ADAMTSL3: variants seen among roughly 807,000 people sequenced by gnomAD.
The protein encoded by ADAMTSL3 is ADAMTS like 3.
A neutral mutation model predicts 201.7 loss-of-function variants in ADAMTSL3; 128 were observed. The ratio of observed to expected loss-of-function variants is 0.63; its 90% CI spans 0.55 to 0.73. ADAMTSL3 has a LOEUF of 0.73. ADAMTSL3 is among the 30% of genes least tolerant of loss of function. The pLI is 0.00. For missense variants in ADAMTSL3, 1,990 were observed against 2,119.6 expected, an observed-to-expected ratio of 0.94 and a Z score of 1.20; for synonymous variants, 738 against 748.4, an observed-to-expected ratio of 0.99 and a Z score of 0.23.
At chr15:83,897,782 C>G in intron 13 of ADAMTSL3, 76 bp from the exon 14 acceptor site, 3 of 1,473,458 alleles carry the variant, frequency 2.0e-6, no homozygotes, top group Non-Finnish European at 2.7e-6. Context: ...CAATGGCTCT[C>G]CTTTGCATTC....
chr15:84,033,861 A>G (rs2068451603), intron 28 of ADAMTSL3, among the ~76,000 whole-genome samples: 1 of 152,226 alleles, frequency 6.6e-6, no homozygotes, highest in South Asian at 2.1e-4. Context: ...GATAAAGAGT[A>G]TAGAAGGATC....
intron 4 of ADAMTSL3, among the ~76,000 whole-genome samples, chr15:83,791,078 G>A (rs2063336914): frequency 6.6e-6 from 1 of 152,086 alleles, no homozygotes; most frequent in African/African-American, 2.4e-5. Flanking sequence ...ACCGATGAAA[G>A]AAATGGAAGA....
intron 2 of ADAMTSL3, among the ~76,000 whole-genome samples, chr15:83,678,147 A>G (rs2061431017): frequency 1.3e-5 from 2 of 152,066 alleles, no homozygotes; most frequent in African/African-American, 4.8e-5. Flanking sequence ...AGATGACATA[A>G]TTTTTGTTTC....
At chr15:83,889,144 A>G (rs1299545193) in intron 10 of ADAMTSL3, among the ~76,000 whole-genome samples, 1 of 152,206 alleles carries the variant, frequency 6.6e-6, no homozygotes, top group Non-Finnish European at 1.5e-5. Context: ...TGCAAAGTTC[A>G]CTTTCCTCAG....
rs958495527 is a variant in ADAMTSL3, at chr15:84,016,347, C to A, written c.4157-36C>A. ...AGCTGGACCAATAATTAGATAATGTCTAACTGGTAAAAGTGCTACTTTTTT... is the reference window on the plus strand; with the variant it reads ...AGCTGGACCAATAATTAGATAATGTATAACTGGTAAAAGTGCTACTTTTTT... On this transcript the variant is annotated intron_variant, in intron 24 of 29. Coordinates refer to ENST00000286744, the MANE Select transcript of ADAMTSL3 (RefSeq NM_207517.3). 5 of 1,540,784 alleles carry A rather than the reference C, an allele frequency of 3.2e-6. No homozygotes were observed. The Admixed American group carries it at 8.4e-5, about 26-fold the overall frequency.
chr15:83,789,616 A>T (rs1863450), intron 4 of ADAMTSL3, among the ~76,000 whole-genome samples: 1 of 152,142 alleles, frequency 6.6e-6, no homozygotes, highest in Non-Finnish European at 1.5e-5. Flanking sequence ...TTGATTTCCC[A>T]GTGAAGGCCC....
chr15:84,033,941 A>C (rs1012217996), intron 28 of ADAMTSL3, among the ~76,000 whole-genome samples: 3 of 152,222 alleles, frequency 2.0e-5, no homozygotes, highest in Non-Finnish European at 2.9e-5. Flanking sequence ...ATTAAAGGGT[A>C]GACTTTTTTT....
At chr15:83,669,808 T>C (rs2141384735) in intron 2 of ADAMTSL3, among the ~76,000 whole-genome samples, 1 of 152,140 alleles carries the variant, frequency 6.6e-6, no homozygotes, top group East Asian at 1.9e-4. Flanking sequence ...TCTACTGTTG[T>C]GGCAGGCTTT....
chr15:83,749,876 C>G (rs1268843391), intron 3 of ADAMTSL3, among the ~76,000 whole-genome samples: 1 of 151,652 alleles, frequency 6.6e-6, no homozygotes, highest in Non-Finnish European at 1.5e-5. Context: ...AGGTCTTCCT[C>G]TTGGACCTCA....
At chr15:83,739,753 C>T (rs972056435) in intron 3 of ADAMTSL3, 1 of 472,008 alleles carries the variant, frequency 2.1e-6, no homozygotes, top group Non-Finnish European at 4.2e-6. Context: ...TTCACCTCCT[C>T]CAGTGCCAAG....
chr15:83,729,104 C>T (rs2141598594), intron 3 of ADAMTSL3, among the ~76,000 whole-genome samples: 2 of 152,160 alleles, frequency 1.3e-5, no homozygotes, highest in South Asian at 4.1e-4. Context: ...GTAAATTTTC[C>T]ACTGAGGAGG....
At chr15:83,874,169 A>G (rs1435951392) in intron 9 of ADAMTSL3, among the ~76,000 whole-genome samples, 1 of 132,430 alleles carries the variant, frequency 7.6e-6, no homozygotes, top group African/African-American at 2.8e-5. Context: ...GCCAGGACAA[A>G]GGAAGCGGGC....
At chr15:83,804,917 A>G (rs1014810661) in intron 5 of ADAMTSL3, among the ~76,000 whole-genome samples, 1 of 152,208 alleles carries the variant, frequency 6.6e-6, no homozygotes, top group Non-Finnish European at 1.5e-5. Flanking sequence ...AGTATTTAAT[A>G]ATTTCTGAAG....
chr15:83,998,704 G>C (rs1448080958), intron 23 of ADAMTSL3, among the ~76,000 whole-genome samples: 2 of 152,204 alleles, frequency 1.3e-5, no homozygotes, highest in African/African-American at 4.8e-5. Context: ...CTGGATGCCA[G>C]CCACAGCCCT....
intron 24 of ADAMTSL3, among the ~76,000 whole-genome samples, chr15:84,015,093 A>C (rs1460893499): frequency 2.6e-5 from 4 of 152,042 alleles, no homozygotes; most frequent in Non-Finnish European, 4.4e-5. Flanking sequence ...CAATAGGCGC[A>C]CACCACCATG....
intron 19 of ADAMTSL3, among the ~76,000 whole-genome samples, chr15:83,957,020 T>C (rs1426148995): frequency 1.3e-5 from 2 of 152,154 alleles, no homozygotes; most frequent in African/African-American, 4.8e-5. Context: ...ATGTAAAAAA[T>C]GCCCAATAAA....
intron 3 of ADAMTSL3, among the ~76,000 whole-genome samples, chr15:83,768,520 G>A (rs2141730059): frequency 6.6e-6 from 1 of 152,302 alleles, no homozygotes; most frequent in African/African-American, 2.4e-5. Flanking sequence ...GACTTAAAAT[G>A]TGCAAATTTC....
At chr15:83,905,890 G>A (rs2065822568) in intron 15 of ADAMTSL3, among the ~76,000 whole-genome samples, 1 of 151,838 alleles carries the variant, frequency 6.6e-6, no homozygotes, top group Non-Finnish European at 1.5e-5. Flanking sequence ...AAAATCAGGA[G>A]ATTATCTTTT....
intron 10 of ADAMTSL3, among the ~76,000 whole-genome samples, chr15:83,885,716 T>C (rs2065374869): frequency 6.6e-6 from 1 of 152,006 alleles, no homozygotes. Context: ...GCCCTGCTTA[T>C]TGTCTGCTTA....
Sources: gnomAD v4.1 joint callset for allele counts (sites outside exome capture counted in the v4.1 genomes callset) on GRCh38, gnomAD v4.1.1 for gene constraint, MANE v1.5 for transcripts, NCBI Gene and HGNC (gene_info 2026-07-23, HGNC 2026-07-21) for gene names.